Variants in CFAP54 observed in about 807,000 individuals in gnomAD.
The protein encoded by CFAP54 is cilia- and flagella-associated protein 54.
Under a neutral mutation model 370.4 loss-of-function variants are expected in CFAP54, and 290 were observed. The observed-to-expected ratio is 0.78, with a 90% CI of 0.71 to 0.86. CFAP54 has a LOEUF of 0.86. Among genes scored for constraint, CFAP54 ranks in the 40% least tolerant of loss-of-function variants. The pLI is 0.00. For missense variants in CFAP54, 3,399 were observed against 3,528.7 expected (o/e 0.96, Z 0.93); for synonymous variants, 1,206 against 1,236.5 (o/e 0.98, Z 0.52).
intron 32 of CFAP54, among the ~76,000 whole-genome samples, chr12:96,630,957 AC>A (rs1956601335): frequency 1.3e-5 from 2 of 151,944 alleles, no homozygotes; most frequent in Non-Finnish European, 2.9e-5. Flanking sequence ...TTATCAGTGA[AC>A]CTAAAGTTCT....
intron 39 of CFAP54, among the ~76,000 whole-genome samples, chr12:96,669,102 T>C (rs1367780625): frequency 6.6e-6 from 1 of 152,190 alleles, no homozygotes; most frequent in Non-Finnish European, 1.5e-5. Flanking sequence ...GCTGCTGCCA[T>C]AAACAATAAT....
chr12:96,754,829 C>T (rs1958233872), intron 56 of CFAP54, among the ~76,000 whole-genome samples: 1 of 151,796 alleles, frequency 6.6e-6, no homozygotes, highest in African/African-American at 2.4e-5. Flanking sequence ...CTGCAACCTT[C>T]GCCTCCTGGG....
chr12:96,850,377 G>C (rs1209779875), intron 66 of CFAP54, among the ~76,000 whole-genome samples: 1 of 152,082 alleles, frequency 6.6e-6, no homozygotes, highest in Non-Finnish European at 1.5e-5. Context: ...GGCGGAGCAG[G>C]AGTCTGATTC....
chr12:96,555,244 A>G (rs540527825), intron 17 of CFAP54, among the ~76,000 whole-genome samples: 1 of 152,138 alleles, frequency 6.6e-6, no homozygotes, highest in African/African-American at 2.4e-5. Flanking sequence ...AGAAATATCT[A>G]TATCAAATAA....
At chr12:96,668,301 C>T (rs1957103853) in intron 39 of CFAP54, among the ~76,000 whole-genome samples, 1 of 152,148 alleles carries the variant, frequency 6.6e-6, no homozygotes, top group Non-Finnish European at 1.5e-5. Context: ...TACCTGGTAC[C>T]AGTTTACTGT....
Position 96,867,384 on chromosome 12 carries a change from C to T in CFAP54, c.*14+6432C>T, listed in dbSNP as rs139651173. Among the ~76,000 whole-genome samples the T allele has an allele frequency of 2.6e-5, 4 of 152,256 alleles. No homozygotes were observed. In the East Asian group the frequency reaches 7.7e-4, roughly 29 times the overall value. ...TCCTTCAAAAAGCTCACATCTGATC[C>T]AGCGATCTAACTACTGGCTATATAT... On this transcript the variant is annotated intron_variant, in intron 67 of 67. Coordinates refer to ENST00000524981, the MANE Select transcript of CFAP54 (RefSeq NM_001306084.2).
intron 39 of CFAP54, among the ~76,000 whole-genome samples, chr12:96,670,686 T>C (rs1232088630): frequency 6.6e-6 from 1 of 152,098 alleles, no homozygotes; most frequent in Non-Finnish European, 1.5e-5. Flanking sequence ...GAGAGTAGTA[T>C]AAACAAGGCC....
In CFAP54 at chr12:96,650,074, TAATGC is replaced by T; in HGVS notation, c.4872+6_4872+10del. 1 of 1,601,608 alleles carries T rather than the reference TAATGC, an allele frequency of 6.2e-7. No homozygotes were observed. Among genetic ancestry groups the T allele is most frequent in the Non-Finnish European group, 8.5e-7 (1 of 1,175,516 alleles). On this transcript the variant is annotated splice_donor_5th_base_variant and intron_variant, in intron 35 of 67. Transcript: ENST00000524981. ...TTTTTATACTGCAGGAGAGCAATGGTAATGCAATCTTTCTTGTTTGCAGTGTAGTA... is the reference window on the plus strand; with the variant it reads ...TTTTTATACTGCAGGAGAGCAATGGTAATCTTTCTTGTTTGCAGTGTAGTA...
intron 26 of CFAP54, among the ~76,000 whole-genome samples, chr12:96,605,094 G>C (rs117968370): frequency 6.6e-6 from 1 of 152,076 alleles, no homozygotes; most frequent in Non-Finnish European, 1.5e-5. Context: ...GAGCTGTTCC[G>C]ATTCAGCCAT....
At chr12:96,658,460 C>T (rs886977708) in intron 38 of CFAP54, 114 bp downstream of exon 38, 35 of 1,237,904 alleles carry the variant, frequency 2.8e-5, no homozygotes, top group African/African-American at 6.1e-5. Context: ...TTAGTATTTC[C>T]ACTTACTGGC....
intron 28 of CFAP54, among the ~76,000 whole-genome samples, chr12:96,624,181 G>T (rs7970758): frequency 0.49 from 74,107 of 151,890 alleles, 18,479 homozygotes; most frequent in African/African-American, 0.55. Context: ...CAGCATTTTG[G>T]GCCAGGTAGT....
At chr12:96,578,544 A>G (rs1169609573) in intron 20 of CFAP54, among the ~76,000 whole-genome samples, 2 of 152,234 alleles carry the variant, frequency 1.3e-5, no homozygotes, top group Non-Finnish European at 1.5e-5. Flanking sequence ...ATGTACTTTA[A>G]TTTAATGATT....
Position 96,786,786 on chromosome 12 carries a change from A to G in CFAP54, c.8567A>G (p.Lys2856Arg), listed in dbSNP as rs1287219086. ...RQKEVHFFLKKFLQLYSSSCI... is the reference protein window; with the variant it reads ...RQKEVHFFLKRFLQLYSSSCI... ...AAAGAAGTGCATTTTTTCCTTAAAAAATTCTTACAGCTGTATTCTTCTTCT... is the reference window on the plus strand; with the variant it reads ...AAAGAAGTGCATTTTTTCCTTAAAAGATTCTTACAGCTGTATTCTTCTTCT... The change falls in exon 62 of 68, where the codon AAA (lysine) becomes AGA (arginine). Residue 2856 changes from lysine to arginine, a missense_variant. Lys to Arg is a conservative substitution (Grantham distance 26). Coordinates refer to ENST00000524981, the MANE Select transcript of CFAP54 (RefSeq NM_001306084.2). 6.5e-7 allele frequency: 1 copy of G among 1,535,896 alleles called. No individual in the cohort carries two copies.
rs933153311 is a variant in CFAP54 at position 96,569,347 on chromosome 12, C to T, written c.2619+4582C>T. On this transcript the variant is annotated intron_variant, in intron 19 of 67. Transcript: ENST00000524981. ...ACCTGGGCCAGTTGACTGCTCCTTC[C>T]AGTCTTGAGTAGAGGGATACAAAGA... Among the ~76,000 whole-genome samples the T allele has an allele frequency of 2.6e-5, 4 of 152,310 alleles. No individual in the cohort carries two copies. The East Asian group carries it at 7.7e-4, about 29-fold the overall frequency.
chr12:96,533,709 G>C, intron 9 of CFAP54, 83 bp from the exon 10 acceptor site: 1 of 1,018,546 alleles, frequency 9.8e-7, no homozygotes, highest in East Asian at 2.8e-5. Flanking sequence ...TGTTTTCCTG[G>C]TGCCTGAAAG....
chr12:96,756,690 C>G (rs895268764), intron 57 of CFAP54, 127 bp downstream of exon 57: 1 of 655,360 alleles, frequency 1.5e-6, no homozygotes, highest in South Asian at 1.9e-5. Context: ...TTCATGGGGT[C>G]CATCTCAAGC....
rs540909984 is a variant in CFAP54, at chr12:96,504,423, A to G, written c.567+394A>G. On this transcript the variant is annotated intron_variant, in intron 3 of 67. Coordinates refer to ENST00000524981, the MANE Select transcript of CFAP54 (RefSeq NM_001306084.2). ...AAAAGCGACTCAAGATTAAACATAA[A>G]TCTATTGATATAAAATATTTATACT... 1.1e-4 allele frequency among the ~76,000 whole-genome samples: 17 copies of G among 152,368 alleles called. No homozygotes were observed. In the South Asian group the frequency reaches 3.5e-3, roughly 32 times the overall value.
chr12:96,621,753 A>G, intron 27 of CFAP54, 32 bp downstream of exon 27: 2 of 1,496,670 alleles, frequency 1.3e-6, no homozygotes, highest in Non-Finnish European at 1.8e-6. Context: ...TTTTAAACCT[A>G]CGTTTAGTTT....
At chr12:96,530,238 C>G (rs896696815) in intron 9 of CFAP54, among the ~76,000 whole-genome samples, 2 of 152,168 alleles carry the variant, frequency 1.3e-5, no homozygotes, top group Non-Finnish European at 2.9e-5. Context: ...GCCTGTAACC[C>G]CAGCCCTTTG....
Sources: gnomAD v4.1 joint callset for allele counts (sites outside exome capture counted in the v4.1 genomes callset) on GRCh38, gnomAD v4.1.1 for gene constraint, MANE v1.5 for transcripts, NCBI Gene and HGNC (gene_info 2026-07-23, HGNC 2026-07-21) for gene names.